Variants in PHACTR3 observed in about 807,000 individuals in gnomAD.
The protein encoded by PHACTR3 is phosphatase and actin regulator 3.
In PHACTR3, 16 loss-of-function variants were observed where a neutral mutation model predicts 66.8. The ratio of observed to expected loss-of-function variants is 0.24; its 90% CI spans 0.16 to 0.36. PHACTR3 has a LOEUF of 0.36. Ranked by LOEUF, PHACTR3 falls within the 10% of genes least tolerant of loss-of-function variation. The pLI is 1.00. For missense variants in PHACTR3, 647 were observed against 719.9 expected (o/e 0.90, Z 1.16); for synonymous variants, 323 against 292.1 (o/e 1.11, Z -1.08).
At chr20:59,816,072 G>A (rs117992609) in intron 8 of PHACTR3, among the ~76,000 whole-genome samples, 2,258 of 152,028 alleles carry the variant, frequency 0.015, 20 homozygotes, top group Non-Finnish European at 0.022. Context: ...ACAACTCACT[G>A]TAATATAGAA....
intron 1 of PHACTR3, among the ~76,000 whole-genome samples, chr20:59,590,898 G>T (rs1400479036): frequency 6.6e-6 from 1 of 152,116 alleles, no homozygotes; most frequent in African/African-American, 2.4e-5. Flanking sequence ...TGAGGGTGGG[G>T]CCCTCATGAC....
At chr20:59,822,507 T>C (rs1047671370) in intron 8 of PHACTR3, among the ~76,000 whole-genome samples, 2 of 151,260 alleles carry the variant, frequency 1.3e-5, no homozygotes, top group Admixed American at 1.3e-4. Context: ...AGGGCTGCAG[T>C]GCAGAGTGAC....
intron 1 of PHACTR3, among the ~76,000 whole-genome samples, chr20:59,581,960 G>T (rs2032874330): frequency 6.6e-6 from 1 of 151,758 alleles, no homozygotes; most frequent in East Asian, 1.9e-4. Context: ...GTGGTCTCCA[G>T]CTCAGGGGAT....
chr20:59,783,374 A>C (rs1352382023), intron 7 of PHACTR3, among the ~76,000 whole-genome samples: 1 of 152,222 alleles, frequency 6.6e-6, no homozygotes, highest in African/African-American at 2.4e-5. Flanking sequence ...CAGAGCTCTC[A>C]GAGTGGGAAC....
chr20:59,847,048 G>T, intron 12 of PHACTR3, 67 bp from the exon 13 acceptor site: 1 of 1,119,130 alleles, frequency 8.9e-7, no homozygotes. Flanking sequence ...TTTGTATAAG[G>T]TTTTTGGCTA....
intron 4 of PHACTR3, among the ~76,000 whole-genome samples, chr20:59,764,649 C>T (rs1346377137): frequency 2.0e-5 from 3 of 152,096 alleles, no homozygotes; most frequent in African/African-American, 7.2e-5. Flanking sequence ...TGAGCCAGTT[C>T]CGTGACATCT....
chr20:59,729,478 C>G (rs1203599445), intron 1 of PHACTR3, among the ~76,000 whole-genome samples: 2 of 152,120 alleles, frequency 1.3e-5, no homozygotes, highest in Non-Finnish European at 2.9e-5. Context: ...ACCAGAGACA[C>G]CTTAGTGTCC....
At chr20:59,593,370 G>C (rs930951734) in intron 1 of PHACTR3, among the ~76,000 whole-genome samples, 3 of 152,128 alleles carry the variant, frequency 2.0e-5, no homozygotes, top group Non-Finnish European at 4.4e-5. Context: ...TTGTTGTTGA[G>C]TTTCAAGAGT....
Position 59,736,987 on chromosome 20 carries a change from G to A in PHACTR3, c.119-6120G>A, listed in dbSNP as rs2038967182. On this transcript the variant is annotated intron_variant, in intron 1 of 12. Transcript: ENST00000371015. The surrounding 1 kb of genome is among the most constrained non-coding windows in gnomAD (Gnocchi z 4.6). The stretch of plus-strand genomic sequence containing the variant: ...CTGCTTAGACTAAGGCATCTGTCCT[G>A]GTCAATGCATTGGATTTTTGGTTTA... 6.6e-6 allele frequency among the ~76,000 whole-genome samples: 1 copy of A among 152,134 alleles called. No individual in the cohort carries two copies. The highest frequency in any genetic ancestry group is 2.4e-5 in the African/African-American group (1 of 41,444).
rs2042014434 is a variant in PHACTR3, at chr20:59,820,949, T to G, written c.1328+14755T>G. Among the ~76,000 whole-genome samples, 1 of 152,106 alleles carries G rather than the reference T, an allele frequency of 6.6e-6. No individual in the cohort carries two copies. The highest frequency in any genetic ancestry group is 2.4e-5 in the African/African-American group (1 of 41,428). Reference sequence around the variant, plus strand: ...TGTGATGTCTGCCTGCTCAGATGCTTGCAGGGACTAAATACCACACAGTCC... The same window carrying G: ...TGTGATGTCTGCCTGCTCAGATGCTGGCAGGGACTAAATACCACACAGTCC... On this transcript the variant is annotated intron_variant, in intron 8 of 12. Transcript: ENST00000371015. This position sits in a 1 kb window ranked among gnomAD's most constrained non-coding sequence, Gnocchi z 4.6.
chr20:59,672,060 T>C (rs2036211278), intron 1 of PHACTR3, among the ~76,000 whole-genome samples: 1 of 152,232 alleles, frequency 6.6e-6, no homozygotes, highest in Admixed American at 6.5e-5. Flanking sequence ...AACCACAGCT[T>C]TCAGAAGCGG....
chr20:59,815,568 G>T (rs1337231782), intron 8 of PHACTR3, among the ~76,000 whole-genome samples: 1 of 152,066 alleles, frequency 6.6e-6, no homozygotes, highest in Non-Finnish European at 1.5e-5. Context: ...GGGATTACAG[G>T]TGTGCACCAC....
intron 1 of PHACTR3, among the ~76,000 whole-genome samples, chr20:59,585,734 G>C (rs2033007789): frequency 6.6e-6 from 1 of 152,192 alleles, no homozygotes; most frequent in Non-Finnish European, 1.5e-5. Context: ...TGGCAGGGAG[G>C]CCTCCTCTCC....
intron 4 of PHACTR3, among the ~76,000 whole-genome samples, chr20:59,763,011 T>C (rs1180708710): frequency 3.3e-5 from 5 of 152,144 alleles, no homozygotes; most frequent in African/African-American, 7.2e-5. Context: ...GTAGGTGATA[T>C]GGTTTCGCTG....
chr20:59,815,080 G>A (rs1252870004), intron 8 of PHACTR3, among the ~76,000 whole-genome samples: 1 of 152,172 alleles, frequency 6.6e-6, no homozygotes, highest in Non-Finnish European at 1.5e-5. Flanking sequence ...GGACTGGGAA[G>A]TTCAGGGAAC....
At chr20:59,716,701 T>C (rs765665466) in intron 1 of PHACTR3, among the ~76,000 whole-genome samples, 2 of 152,228 alleles carry the variant, frequency 1.3e-5, no homozygotes, top group Non-Finnish European at 2.9e-5. Context: ...AATTCACACA[T>C]TTATCTGTAT....
chr20:59,775,926 C>G (rs1182487), intron 7 of PHACTR3, among the ~76,000 whole-genome samples: 1 of 152,008 alleles, frequency 6.6e-6, no homozygotes, highest in South Asian at 2.1e-4. Context: ...ATTAGGATAT[C>G]CTGCAGCATC....
intron 1 of PHACTR3, among the ~76,000 whole-genome samples, chr20:59,686,791 ATGG>A (rs1181552331): frequency 3.7e-5 from 5 of 136,222 alleles, no homozygotes; most frequent in Admixed American, 1.4e-4. Context: ...GGTGATGATG[ATGG>A]TGGTGATGAT....
chr20:59,744,573 C>T (rs913203608), intron 2 of PHACTR3, among the ~76,000 whole-genome samples: 8 of 152,164 alleles, frequency 5.3e-5, no homozygotes, highest in Admixed American at 1.3e-4. Context: ...ATGGTGGAGA[C>T]GAAGGCCAGG....
Sources: allele counts gnomAD v4.1 joint callset (sites outside exome capture counted in the v4.1 genomes callset), GRCh38; gene constraint gnomAD v4.1.1; non-coding constraint Gnocchi (gnomAD v3.1); transcripts MANE v1.5; gene names NCBI Gene and HGNC (gene_info 2026-07-23, HGNC 2026-07-21).